Variants in ZFHX3 observed in about 807,000 individuals in gnomAD.
ZFHX3 encodes the protein zinc finger homeobox 3.
ZFHX3 carries 42 observed loss-of-function variants against 279.1 expected under a neutral mutation model. The ratio of observed to expected loss-of-function variants is 0.15; its 90% CI spans 0.12 to 0.19. The LOEUF (loss-of-function observed/expected upper bound fraction) is 0.19. Ranked by LOEUF, ZFHX3 falls within the 10% of genes least tolerant of loss-of-function variation. ZFHX3 has a pLI of 1.00. For synonymous variants in ZFHX3, 2,293 were observed against 1,957.8 expected (o/e 1.17, Z -4.52); for missense variants, 4,981 against 4,754.0 (o/e 1.05, Z -1.40).
intron 1 of ZFHX3, among the ~76,000 whole-genome samples, chr16:73,888,006 G>A (rs1351630726): frequency 6.6e-6 from 1 of 152,170 alleles, no homozygotes. Context: ...AACAAACTCA[G>A]CAGCAAGATA....
intron 4 of ZFHX3, among the ~76,000 whole-genome samples, chr16:72,865,868 T>C (rs1056702200): frequency 1.3e-5 from 2 of 152,126 alleles, no homozygotes; most frequent in Non-Finnish European, 1.5e-5. Flanking sequence ...GCATGAACTC[T>C]GGAGTAGGGC....
At chr16:73,416,849 G>A (rs969449406) in intron 3 of ZFHX3, among the ~76,000 whole-genome samples, 1 of 151,650 alleles carries the variant, frequency 6.6e-6, no homozygotes, top group Non-Finnish European at 1.5e-5. Context: ...ACTCCAGCCT[G>A]GGCGACAGAG....
At chr16:73,526,471 T>C (rs1386660051) in intron 2 of ZFHX3, among the ~76,000 whole-genome samples, 2 of 152,242 alleles carry the variant, frequency 1.3e-5, no homozygotes, top group Non-Finnish European at 2.9e-5. Context: ...CTTAATGTTA[T>C]ACTTTAGCTT....
intron 2 of ZFHX3, among the ~76,000 whole-genome samples, chr16:73,602,894 C>T (rs1301418337): frequency 6.7e-6 from 1 of 150,250 alleles, no homozygotes; most frequent in Non-Finnish European, 1.5e-5. Flanking sequence ...ACCGAGATGG[C>T]TCCATTGCAC....
At chr16:73,555,777 A>G (rs908563438) in intron 2 of ZFHX3, among the ~76,000 whole-genome samples, 1 of 151,732 alleles carries the variant, frequency 6.6e-6, no homozygotes, top group Non-Finnish European at 1.5e-5. Context: ...GGTTGCAGTG[A>G]TCTGAAATAG....
intron 1 of ZFHX3, among the ~76,000 whole-genome samples, chr16:73,784,022 C>T (rs1959556976): frequency 6.6e-6 from 1 of 152,004 alleles, no homozygotes; most frequent in Non-Finnish European, 1.5e-5. Context: ...AAAGGATGTT[C>T]TCTAGATGGG....
At chr16:73,186,941 C>T (rs1016148631) in intron 5 of ZFHX3, among the ~76,000 whole-genome samples, 7 of 152,104 alleles carry the variant, frequency 4.6e-5, no homozygotes, top group East Asian at 3.8e-4. Flanking sequence ...ACTACTGAAA[C>T]GGGAAACTAT....
intron 7 of ZFHX3, among the ~76,000 whole-genome samples, chr16:73,105,917 A>G (rs564585118): frequency 7.7e-5 from 11 of 142,750 alleles, no homozygotes; most frequent in Non-Finnish European, 1.6e-4. Flanking sequence ...CCCACTCCCT[A>G]TATGTACACG....
At chr16:73,819,294 A>T (rs931083547) in intron 1 of ZFHX3, among the ~76,000 whole-genome samples, 1 of 151,032 alleles carries the variant, frequency 6.6e-6, no homozygotes, top group Non-Finnish European at 1.5e-5. Flanking sequence ...GGTCTTGTAC[A>T]CTGTAGGATA....
chr16:73,052,659 G>GT (rs1234800922), upstream of ZFHX3, among the ~76,000 whole-genome samples: 2 of 152,050 alleles, frequency 1.3e-5, no homozygotes, highest in Non-Finnish European at 2.9e-5. Flanking sequence ...ATGCTGTTTC[G>GT]TTTGTCTCTC....
At chr16:73,119,944 G>C (rs1045631257) in intron 7 of ZFHX3, among the ~76,000 whole-genome samples, 5 of 152,182 alleles carry the variant, frequency 3.3e-5, no homozygotes, top group Admixed American at 6.5e-5. Flanking sequence ...TTGAGGCTGA[G>C]CTTTCTTATT....
At chr16:73,387,344 C>T (rs1181127295) in intron 3 of ZFHX3, 2 of 149,384 alleles carry the variant, frequency 1.3e-5, no homozygotes, top group African/African-American at 2.5e-5. Flanking sequence ...GATAGATTAA[C>T]ATTTTGCAAA....
chr16:73,271,606 T>C (rs2014147305), intron 4 of ZFHX3, among the ~76,000 whole-genome samples: 2 of 152,182 alleles, frequency 1.3e-5, no homozygotes, highest in Admixed American at 1.3e-4. Context: ...TCTTCACCTG[T>C]AAAATGGGGA....
intron 4 of ZFHX3, 22 bp downstream of exon 4, chr16:72,889,709 C>A (rs767384516): frequency 1.9e-6 from 3 of 1,608,520 alleles, no homozygotes; most frequent in Non-Finnish European, 2.5e-6. Flanking sequence ...CCTGGGCCTC[C>A]CATGCCTGTG....
chr16:73,748,761 T>C (rs1484852159), intron 1 of ZFHX3, among the ~76,000 whole-genome samples: 1 of 152,190 alleles, frequency 6.6e-6, no homozygotes, highest in Non-Finnish European at 1.5e-5. Flanking sequence ...ATGGCATGCA[T>C]AATCTTCCAA....
chr16:73,526,152 G>A (rs890833728), intron 2 of ZFHX3, among the ~76,000 whole-genome samples: 1 of 152,216 alleles, frequency 6.6e-6, no homozygotes, highest in Non-Finnish European at 1.5e-5. Flanking sequence ...CCAGTCCAGG[G>A]CAGCTGTGAG....
chr16:73,671,369 T>C (rs1004421803), intron 2 of ZFHX3, among the ~76,000 whole-genome samples: 2 of 152,092 alleles, frequency 1.3e-5, no homozygotes, highest in Non-Finnish European at 2.9e-5. Flanking sequence ...AATCCAGAGC[T>C]CTGCAAAGAG....
rs377369680 is a variant in ZFHX3 at position 72,793,431 on chromosome 16, A to C, written c.9251T>G (p.Ile3084Ser). ...QLMAQQELDR[I>S]KKANEVLGLA... ...TCCAAGGACCTCGTTGGCCTTTTTAATCCGGTCCAACTCTTGTTGAGCCAT... is the reference window on the plus strand; with the variant it reads ...TCCAAGGACCTCGTTGGCCTTTTTACTCCGGTCCAACTCTTGTTGAGCCAT... Residue 3084 changes from isoleucine to serine, a missense_variant, in exon 9 of 10, where the codon ATT becomes AGT. Physicochemically the swap from Ile to Ser is moderately radical, Grantham distance 142. Coordinates refer to ENST00000268489, the MANE Select transcript of ZFHX3 (RefSeq NM_006885.4). This position sits in a 1 kb window ranked among gnomAD's most constrained non-coding sequence, Gnocchi z 4.3. 11 of 1,614,174 alleles carry C rather than the reference A, an allele frequency of 6.8e-6. No homozygotes were observed. Among genetic ancestry groups the C allele is most frequent in the Non-Finnish European group, 6.8e-6 (8 of 1,180,026 alleles).
intron 2 of ZFHX3, among the ~76,000 whole-genome samples, chr16:73,495,799 A>T (rs72801408): frequency 6.6e-6 from 1 of 152,242 alleles, no homozygotes; most frequent in South Asian, 2.1e-4. Context: ...GGCTAAATGC[A>T]GACAGAACAC....
Sources: gnomAD v4.1 joint callset for allele counts (sites outside exome capture counted in the v4.1 genomes callset) on GRCh38, gnomAD v4.1.1 for gene constraint, Gnocchi (gnomAD v3.1) non-coding constraint, MANE v1.5 for transcripts, NCBI Gene and HGNC (gene_info 2026-07-23, HGNC 2026-07-21) for gene names.